BMAL1: variants seen among roughly 807,000 people sequenced by gnomAD.
BMAL1 encodes basic helix-loop-helix ARNT like 1, also known as basic helix-loop-helix ARNT-like protein 1.
At chr11:13,375,021 C>T in the BMAL1 span, among the ~76,000 whole-genome samples, 2 of 152,186 alleles carry the variant, frequency 1.3e-5, no homozygotes, top group Admixed American at 6.5e-5. Flanking sequence ...TTCTTCCCTC[C>T]CTCCTTCTCT....
the BMAL1 span, among the ~76,000 whole-genome samples, chr11:13,386,379 A>G: frequency 6.6e-6 from 1 of 152,068 alleles, no homozygotes; most frequent in Non-Finnish European, 1.5e-5. Flanking sequence ...TCTCTTCACA[A>G]CGTAACCCCA....
At chr11:13,298,826 C>A in the BMAL1 span, among the ~76,000 whole-genome samples, 1 of 152,230 alleles carries the variant, frequency 6.6e-6, no homozygotes, top group African/African-American at 2.4e-5. Flanking sequence ...AATTAAGTCA[C>A]CACCACCTGT....
chr11:13,375,468 G>T, the BMAL1 span: 1 of 574,312 alleles, frequency 1.7e-6, no homozygotes. Context: ...CCTATTTCCT[G>T]AGTGTTGACC....
chr11:13,385,675 C>T, the BMAL1 span: 7 of 1,590,034 alleles, frequency 4.4e-6, no homozygotes, highest in South Asian at 3.3e-5. Flanking sequence ...ACACTTCCCT[C>T]CTTTTGTTTG....
chr11:13,335,198 A>G, the BMAL1 span, among the ~76,000 whole-genome samples: 2 of 152,202 alleles, frequency 1.3e-5, no homozygotes, highest in Non-Finnish European at 2.9e-5. Context: ...TGGAAGATTG[A>G]CAGGAGGATT....
the BMAL1 span, among the ~76,000 whole-genome samples, chr11:13,333,725 G>A: frequency 6.6e-6 from 1 of 152,218 alleles, no homozygotes; most frequent in Admixed American, 6.5e-5. Context: ...CTGCTTTATG[G>A]ACATCTTTGG....
chr11:13,283,454 C>A, the BMAL1 span, among the ~76,000 whole-genome samples: 3 of 152,206 alleles, frequency 2.0e-5, no homozygotes, highest in African/African-American at 7.2e-5. Context: ...CTACATGAGG[C>A]AGGTACTATT....
chr11:13,284,120 G>A, the BMAL1 span, among the ~76,000 whole-genome samples: 41,474 of 72,214 alleles, frequency 0.57, 12,726 homozygotes, highest in Non-Finnish European at 0.63. Context: ...GTATATATAT[G>A]TGTGTGTGTA....
the BMAL1 span, among the ~76,000 whole-genome samples, chr11:13,382,536 T>C: frequency 1.3e-5 from 2 of 150,796 alleles, no homozygotes; most frequent in African/African-American, 2.4e-5. Flanking sequence ...CACACACTGC[T>C]TGCCAGCTGT....
At chr11:13,298,210 T>G in the BMAL1 span, among the ~76,000 whole-genome samples, 1 of 152,252 alleles carries the variant, frequency 6.6e-6, no homozygotes, top group African/African-American at 2.4e-5. Context: ...ATGCTGCTCC[T>G]ACCTGCGCCT....
chr11:13,339,040 C>T, the BMAL1 span, among the ~76,000 whole-genome samples: 1 of 152,334 alleles, frequency 6.6e-6, no homozygotes, highest in African/African-American at 2.4e-5. Context: ...GTACAGGGAC[C>T]TCTTCCTCCA....
the BMAL1 span, among the ~76,000 whole-genome samples, chr11:13,325,978 G>C: frequency 2.6e-5 from 4 of 152,060 alleles, no homozygotes; most frequent in African/African-American, 9.7e-5. Context: ...GCTGAGGTGG[G>C]TGGATCATGA....
At chr11:13,284,905 C>T in the BMAL1 span, among the ~76,000 whole-genome samples, 4 of 152,128 alleles carry the variant, frequency 2.6e-5, no homozygotes, top group East Asian at 7.7e-4. Flanking sequence ...CCTGCTTCCC[C>T]GCTCAACCTC....
chr11:13,376,694 C>G, the BMAL1 span: 1 of 1,614,080 alleles, frequency 6.2e-7, no homozygotes, highest in East Asian at 2.2e-5. Flanking sequence ...CAGCATCCCC[C>G]CACAGCATGG....
chr11:13,290,056 CTT>C, the BMAL1 span, among the ~76,000 whole-genome samples: 1 of 152,298 alleles, frequency 6.6e-6, no homozygotes, highest in East Asian at 1.9e-4. Context: ...TGTTTCCTGA[CTT>C]TTTAATGATC....
At chr11:13,343,617 A>G in the BMAL1 span, among the ~76,000 whole-genome samples, 2 of 152,156 alleles carry the variant, frequency 1.3e-5, no homozygotes, top group East Asian at 1.9e-4. Flanking sequence ...TTCTCTTTCT[A>G]CACCTCAGTG....
At chr11:13,376,849 G>A in the BMAL1 span, 30 of 879,806 alleles carry the variant, frequency 3.4e-5, no homozygotes, top group African/African-American at 1.4e-4. Context: ...GGGAGGCCTC[G>A]AGGGGATGAT....
the BMAL1 span, among the ~76,000 whole-genome samples, chr11:13,328,984 T>C: frequency 1.3e-5 from 2 of 152,052 alleles, no homozygotes; most frequent in Admixed American, 1.3e-4. Flanking sequence ...TTTCTGAGAG[T>C]CTGGTGTGTA....
chr11:13,305,046 C>T, the BMAL1 span, among the ~76,000 whole-genome samples: 18 of 152,242 alleles, frequency 1.2e-4, no homozygotes, highest in African/African-American at 4.3e-4. Context: ...AGAGTGGGAG[C>T]GGAAACTGTT....
Sources: allele counts gnomAD v4.1 joint callset (sites outside exome capture counted in the v4.1 genomes callset), GRCh38; gene constraint gnomAD v4.1.1; transcripts MANE v1.5; gene names NCBI Gene and HGNC (gene_info 2026-07-23, HGNC 2026-07-21).